PLXND1: variants seen among roughly 807,000 people sequenced by gnomAD.
PLXND1 encodes plexin-D1.
In PLXND1, 54 loss-of-function variants were observed where a neutral mutation model predicts 197.7. The observed-to-expected ratio is 0.27, with a 90% CI of 0.22 to 0.34. PLXND1 has a LOEUF of 0.34. PLXND1 is among the 10% of genes least tolerant of loss of function. PLXND1 has a pLI of 1.00. For synonymous variants in PLXND1, 1,180 were observed against 1,161.2 expected (o/e 1.02, Z -0.33); for missense variants, 2,127 against 2,699.2 (o/e 0.79, Z 4.70).
intron 31 of PLXND1, 138 bp downstream of exon 31, chr3:129,560,192 G>T (rs917561471): frequency 1.3e-5 from 8 of 630,702 alleles, no homozygotes; most frequent in Middle Eastern, 3.1e-4. Context: ...TGCCCCTCCA[G>T]CCCCACAGGG....
intron 27 of PLXND1, 24 bp from the exon 28 acceptor site, chr3:129,561,927 C>G (rs1210960456): frequency 6.4e-7 from 1 of 1,565,244 alleles, no homozygotes; most frequent in African/African-American, 1.4e-5. Flanking sequence ...GACAGGCCAT[C>G]AGGGTCCGGG....
intron 17 of PLXND1, 62 bp downstream of exon 17, chr3:129,571,447 G>A: frequency 6.4e-7 from 1 of 1,553,552 alleles, no homozygotes; most frequent in Non-Finnish European, 8.9e-7. Flanking sequence ...GGCCTGGTCA[G>A]TTAGGGCCCT....
At chr3:129,567,372 C>A (rs891237889) in intron 22 of PLXND1, 120 bp downstream of exon 22, 4 of 656,702 alleles carry the variant, frequency 6.1e-6, no homozygotes, top group African/African-American at 1.8e-5. Flanking sequence ...AGGACGGCTG[C>A]GGACAGCTGT....
At chr3:129,562,278 T>C (rs1490158207) in intron 27 of PLXND1, among the ~76,000 whole-genome samples, 3 of 152,152 alleles carry the variant, frequency 2.0e-5, no homozygotes, top group Non-Finnish European at 4.4e-5. Context: ...TTTGGGAGGA[T>C]GAGGCAGGAG....
intron 2 of PLXND1, among the ~76,000 whole-genome samples, chr3:129,587,606 G>C (rs1274930722): frequency 6.6e-6 from 1 of 152,330 alleles, no homozygotes; most frequent in East Asian, 1.9e-4. Context: ...TCCCAGGCCA[G>C]TTTCTGCCCC....
intron 2 of PLXND1, 38 bp downstream of exon 2, chr3:129,589,313 C>CGGGG: frequency 1.7e-6 from 1 of 592,308 alleles, no homozygotes; most frequent in East Asian, 4.2e-5. Flanking sequence ...GGGAGCCTCC[C>CGGGG]ACCCCCACCC....
intron 8 of PLXND1, among the ~76,000 whole-genome samples, chr3:129,579,005 G>A (rs947960716): frequency 3.9e-5 from 6 of 152,168 alleles, no homozygotes; most frequent in African/African-American, 1.2e-4. Context: ...CCCACAGCCC[G>A]GGTATAAGTC....
At chr3:129,565,793 A>AAGAGCCCC in intron 24 of PLXND1, 94 bp downstream of exon 24, 1 of 1,357,764 alleles carries the variant, frequency 7.4e-7, no homozygotes, top group Non-Finnish European at 1.0e-6. Context: ...TGGGGGTGTC[A>AAGAGCCCC]AGAGCCCCAG....
chr3:129,597,135 T>C (rs527532245), intron 1 of PLXND1, among the ~76,000 whole-genome samples: 22 of 152,352 alleles, frequency 1.4e-4, no homozygotes, highest in African/African-American at 3.6e-4. Flanking sequence ...TAAAGGAAAC[T>C]GAGGCACAGA....
chr3:129,575,239 A>G (rs1028430976), intron 11 of PLXND1, among the ~76,000 whole-genome samples: 1 of 151,120 alleles, frequency 6.6e-6, no homozygotes, highest in East Asian at 1.9e-4. Flanking sequence ...CCTGTTTCCT[A>G]TGGGGACGAT....
chr3:129,583,993 G>A, intron 7 of PLXND1, 132 bp downstream of exon 7: 1 of 656,740 alleles, frequency 1.5e-6, no homozygotes, highest in Non-Finnish European at 2.8e-6. Context: ...GCTGGTGAAT[G>A]AACAACTGAA....
chr3:129,589,332 CA>C lies in PLXND1; in HGVS notation c.1488+18del. 7.0e-7 allele frequency: 1 copy of C among 1,419,186 alleles called. No individual in the cohort carries two copies. Among genetic ancestry groups the C allele is most frequent in the South Asian group, 1.3e-5 (1 of 79,350 alleles). The allele number at this position is 1,419,186 out of a possible 1,614,324, so 87.9% of individuals were successfully genotyped here. A position where few individuals can be genotyped will look rare whatever the true frequency, so the allele number is the denominator to read the frequency against. On this transcript the variant is annotated intron_variant, in intron 2 of 35. Transcript: ENST00000324093. Reference sequence around the variant, plus strand: ...GCCTCCCACCCCCACCCCCTCCCCACATCCCCAACCATACCTACCTTGAGAA... The same window carrying C: ...GCCTCCCACCCCCACCCCCTCCCCACTCCCCAACCATACCTACCTTGAGAA...
intron 25 of PLXND1, 78 bp from the exon 26 acceptor site, chr3:129,563,318 C>A: frequency 8.2e-7 from 1 of 1,213,172 alleles, no homozygotes; most frequent in South Asian, 1.5e-5. Context: ...CACCTTCACG[C>A]CCCCGTCCCC....
At chr3:129,560,991 C>T (rs969353041) in intron 29 of PLXND1, 8 of 604,866 alleles carry the variant, frequency 1.3e-5, no homozygotes, top group South Asian at 6.1e-5. Context: ...CAGAGACACA[C>T]AGCGAGCGAG....
intron 20 of PLXND1, chr3:129,569,381 T>C (rs1432647173): frequency 1.3e-5 from 2 of 157,884 alleles, no homozygotes; most frequent in African/African-American, 4.8e-5. Context: ...ACTTCCAAAA[T>C]GTTTTCCAAA....
At position 129,559,608 on chromosome 3, in the gene PLXND1, C is replaced by G. The variant is rs774120584; in HGVS notation, c.5297+12G>C. On this transcript the variant is annotated intron_variant, in intron 32 of 35. Coordinates refer to ENST00000324093, the MANE Select transcript of PLXND1 (RefSeq NM_015103.3). ...GGCACAGTGAAGTCCACACGGCCCC[C>G]CCACCCGCCACCTGTTGGTCTTCCA... 8.8e-6 allele frequency: 14 copies of G among 1,587,540 alleles called. No homozygotes were observed. Among genetic ancestry groups the G allele is most frequent in the East Asian group, 2.2e-5 (1 of 44,482 alleles).
Position 129,605,293 on chromosome 3 carries a change from GCCGCCGCCGCCGCCGCCGCCA to G in PLXND1, c.1311+15_1311+35del. On this transcript the variant is annotated intron_variant, in intron 1 of 35. Coordinates refer to ENST00000324093, the MANE Select transcript of PLXND1 (RefSeq NM_015103.3). ...CGCCCCCGCCCCCGCCCCCGCCGCC[GCCGCCGCCGCCGCCGCCGCCA>G]CCGCCCGGGTGTACCTGGATGTTGA... The G allele has an allele frequency of 1.2e-6, 1 of 830,738 alleles. No homozygotes were observed. The highest frequency in any genetic ancestry group is 1.6e-6 in the Non-Finnish European group (1 of 639,252). 51.5% of individuals were successfully genotyped at this position (830,738 alleles called of 1,614,324 possible).
At position 129,571,288 on chromosome 3, in the gene PLXND1, T is replaced by G. The variant is rs2085223438; in HGVS notation, c.3352A>C (p.Asn1118His). 1 of 1,612,862 alleles carries G rather than the reference T, an allele frequency of 6.2e-7. No homozygotes were observed. Among genetic ancestry groups the G allele is most frequent in the South Asian group, 1.1e-5 (1 of 91,030 alleles). The part of the protein sequence containing the change: ...GREPTLCKVL[N>H]STLITCPSPG... ...GACGGGCAGGTGATGAGGGTGGAGTTGAGAACCTTGCAGAGCTGGTGCAGG... is the reference window on the plus strand; with the variant it reads ...GACGGGCAGGTGATGAGGGTGGAGTGGAGAACCTTGCAGAGCTGGTGCAGG... Residue 1118 changes from asparagine (N) to histidine (H), a missense_variant, in exon 18 of 36, where the codon AAC becomes CAC. Physicochemically the swap from Asn to His is moderately conservative, Grantham distance 68. Coordinates refer to ENST00000324093, the MANE Select transcript of PLXND1 (RefSeq NM_015103.3).
rs2085283890 is a variant in PLXND1 at position 129,574,494 on chromosome 3, G to A, written c.2531-4C>T. The A allele has an allele frequency of 6.2e-7, 1 of 1,611,702 alleles. No homozygotes were observed. Among genetic ancestry groups the A allele is most frequent in the Non-Finnish European group, 8.5e-7 (1 of 1,179,152 alleles). ...ATGGCACAGTTATAGACCATGACTG[G>A]GGAGACACGGGGCAGCTCGGTCAGC... On this transcript the variant is annotated splice_region_variant and splice_polypyrimidine_tract_variant and intron_variant, in intron 11 of 35. Coordinates refer to ENST00000324093, the MANE Select transcript of PLXND1 (RefSeq NM_015103.3).
Sources: allele counts gnomAD v4.1 joint callset (sites outside exome capture counted in the v4.1 genomes callset), GRCh38; gene constraint gnomAD v4.1.1; transcripts MANE v1.5; gene names NCBI Gene and HGNC (gene_info 2026-07-23, HGNC 2026-07-21).